PEX1: variants seen among roughly 807,000 people sequenced by gnomAD.
PEX1 encodes peroxisomal ATPase PEX1.
A neutral mutation model predicts 152.5 loss-of-function variants in PEX1; 97 were observed. The observed-to-expected ratio is 0.64, with a 90% CI of 0.54 to 0.75. The LOEUF is 0.75. Among genes scored for constraint, PEX1 ranks in the 30% least tolerant of loss-of-function variants. PEX1 has a pLI of 0.00. For synonymous variants in PEX1, 485 were observed against 531.6 expected, an observed-to-expected ratio of 0.91 and a Z score of 1.21; for missense variants, 1,357 against 1,516.3, an observed-to-expected ratio of 0.89 and a Z score of 1.74.
In PEX1 at chr7:92,489,340, G is replaced by A. The variant is rs34825053; in HGVS notation, c.3720C>T (p.His1240=). 1,494 of 1,613,068 alleles carry A rather than the reference G, an allele frequency of 9.3e-4. 12 individuals are homozygous for A. The African/African-American group carries it at 0.017, about 19-fold the overall frequency. The change falls in exon 23 of 24, where the codon CAC becomes CAT. Residue 1240 remains histidine (H), a synonymous_variant. Transcript: ENST00000248633. ...SQSHLMTALG[H]TRPSISEDDW... is the part of the protein sequence containing the mutation. ...CATCTTCACTAATGGATGGTCTTGT[G>A]TGACCAAGTGCAGTCATTAAATGTG... is the stretch of plus-strand genomic sequence containing the variant.
At chr7:92,514,700 G>A (rs1204310402) in intron 5 of PEX1, among the ~76,000 whole-genome samples, 1 of 152,146 alleles carries the variant, frequency 6.6e-6, no homozygotes, top group Non-Finnish European at 1.5e-5. Flanking sequence ...AACTTAGATT[G>A]TGGTGATGGC....
At chr7:92,516,143 C>T (rs747750825) in intron 5 of PEX1, among the ~76,000 whole-genome samples, 5 of 148,458 alleles carry the variant, frequency 3.4e-5, no homozygotes, top group Non-Finnish European at 7.5e-5. Context: ...TGATGTAGGC[C>T]GGCCAGGAGC....
Position 92,493,056 on chromosome 7 carries a change from A to G in PEX1, c.3104T>C (p.Val1035Ala), listed in dbSNP as rs1429066421. The G allele has an allele frequency of 1.2e-6, 2 of 1,612,108 alleles. No individual in the cohort carries two copies. The highest frequency in any genetic ancestry group is 1.1e-5 in the South Asian group (1 of 91,060). ...AGTAAAGGAGTCAGTTACTGATGCT[A>G]CATGCTGAAGGTCAACATCATCTGC... ...PLADDVDLQH[V>A]ASVTDSFTGA... The change falls in exon 20 of 24, where the codon GTA becomes GCA. Residue 1035 changes from valine (V) to alanine (A), a missense_variant. Coordinates refer to ENST00000248633, the MANE Select transcript of PEX1 (RefSeq NM_000466.3).
chr7:92,489,931 A>C lies in PEX1; in HGVS notation c.3439-20T>G. On this transcript the variant is annotated intron_variant, in intron 21 of 23. Coordinates refer to ENST00000248633, the MANE Select transcript of PEX1 (RefSeq NM_000466.3). ...TGAGCTCTGCATGGTAAATTGTAGT[A>C]ATGAAAGATGGAAGGAAGAGGGGGA... 6.3e-7 allele frequency: 1 copy of C among 1,596,602 alleles called. No individual in the cohort carries two copies. The highest frequency in any genetic ancestry group is 1.3e-5 in the African/African-American group (1 of 74,686).
chr7:92,499,846 A>G lies in PEX1; in HGVS notation c.2584-8T>C. ...TGCAAATAATTCTGGATACTGAGAA[A>G]CAAAAAAAAAAAATATGAAAAAGAG... On this transcript the variant is annotated splice_polypyrimidine_tract_variant and splice_region_variant and intron_variant, in intron 15 of 23. Coordinates refer to ENST00000248633, the MANE Select transcript of PEX1 (RefSeq NM_000466.3). The G allele has an allele frequency of 1.3e-6, 2 of 1,507,720 alleles. No individual in the cohort carries two copies. The highest frequency in any genetic ancestry group is 1.8e-6 in the Non-Finnish European group (2 of 1,123,048). 93.4% of individuals were successfully genotyped at this position (1,507,720 alleles called of 1,614,324 possible).
intron 21 of PEX1, 174 bp downstream of exon 21, chr7:92,491,098 T>C: frequency 3.4e-6 from 2 of 583,022 alleles, no homozygotes; most frequent in Non-Finnish European, 6.1e-6. Context: ...CTTGAAAATC[T>C]TAACAAGGAA....
At chr7:92,498,616 T>C (rs921162324) in intron 16 of PEX1, among the ~76,000 whole-genome samples, 1 of 152,232 alleles carries the variant, frequency 6.6e-6, no homozygotes, top group Non-Finnish European at 1.5e-5. Flanking sequence ...TAAACTAATA[T>C]TGCTGATGTC....
intron 1 of PEX1, 125 bp downstream of exon 1, chr7:92,528,182 G>T: frequency 1.6e-6 from 2 of 1,277,076 alleles, no homozygotes; most frequent in South Asian, 1.3e-5. Flanking sequence ...GCCGTCGAGG[G>T]ACCCTGATCT....
rs1205977730 is a variant in PEX1, at chr7:92,528,455, G to C, written c.-20C>G. 1.9e-6 allele frequency: 3 copies of C among 1,570,204 alleles called. No homozygotes were observed. The highest frequency in any genetic ancestry group is 2.6e-6 in the Non-Finnish European group (3 of 1,160,354). ...CCACATCGTCCCGGAGCGTCGCTCT[G>C]GGTTCGCCCACCCTAGCGCCGCAAA... On this transcript the variant is annotated 5_prime_UTR_variant, in exon 1 of 24. Transcript: ENST00000248633.
At chr7:92,515,456 A>G (rs1024503649) in intron 5 of PEX1, among the ~76,000 whole-genome samples, 4 of 152,126 alleles carry the variant, frequency 2.6e-5, no homozygotes, top group African/African-American at 7.2e-5. Context: ...ACCTACTGTG[A>G]CTTCTCATTG....
At position 92,489,352 on chromosome 7, in the gene PEX1, A is replaced by C. The variant is rs1174654208; in HGVS notation, c.3708T>G (p.Thr1236=). 1 of 1,613,028 alleles carries C rather than the reference A, an allele frequency of 6.2e-7. No homozygotes were observed. The highest frequency in any genetic ancestry group is 2.2e-5 in the East Asian group (1 of 44,840). Reference sequence around the variant, plus strand: ...TGGATGGTCTTGTGTGACCAAGTGCAGTCATTAAATGTGACTGACTAATAG... The same window carrying C: ...TGGATGGTCTTGTGTGACCAAGTGCCGTCATTAAATGTGACTGACTAATAG... The part of the protein sequence containing the change: ...RLAISQSHLM[T]ALGHTRPSIS... The change falls in exon 23 of 24, where the codon ACT becomes ACG. Residue 1236 remains threonine (T), a synonymous_variant. Transcript: ENST00000248633.
intron 11 of PEX1, 83 bp downstream of exon 11, chr7:92,506,165 T>G (rs894088714): frequency 9.9e-6 from 8 of 806,840 alleles, no homozygotes; most frequent in Non-Finnish European, 1.6e-5. Context: ...ATATGTGTAT[T>G]TATTAGATTG....
rs1793412235 is a variant in PEX1 at position 92,528,477 on chromosome 7, C to G, written c.-42G>C. ...TCTGGGTTCGCCCACCCTAGCGCCG[C>G]AAAGGACCCGGGACCCGGCAGGCCG... On this transcript the variant is annotated 5_prime_UTR_variant, in exon 1 of 24. Transcript: ENST00000248633. 1 of 1,536,826 alleles carries G rather than the reference C, an allele frequency of 6.5e-7. No homozygotes were observed. Among genetic ancestry groups the G allele is most frequent in the African/African-American group, 1.4e-5 (1 of 72,962 alleles).
At position 92,510,929 on chromosome 7, in the gene PEX1, A is replaced by G. The variant is rs1372141434; in HGVS notation, c.1587+15T>C. The G allele has an allele frequency of 1.6e-6, 2 of 1,226,980 alleles. No homozygotes were observed. Among genetic ancestry groups the G allele is most frequent in the East Asian group, 2.3e-5 (1 of 43,036 alleles). The allele number at this position is 1,226,980 out of a possible 1,614,324, so 76.0% of individuals were successfully genotyped here. A position where few individuals can be genotyped will look rare whatever the true frequency, so the allele number is the denominator to read the frequency against. ...CAAATAGTATTTTATTAAATATTCAATAACATGCTATTACTTGTATTGTAG... is the reference window on the plus strand; with the variant it reads ...CAAATAGTATTTTATTAAATATTCAGTAACATGCTATTACTTGTATTGTAG... On this transcript the variant is annotated intron_variant, in intron 8 of 23. Transcript: ENST00000248633.
intron 5 of PEX1, among the ~76,000 whole-genome samples, chr7:92,514,572 G>T (rs575429672): frequency 1.3e-5 from 2 of 152,250 alleles, no homozygotes; most frequent in African/African-American, 4.8e-5. Context: ...AAGCTGGAAT[G>T]GCCAAAACTA....
At position 92,506,351 on chromosome 7, in the gene PEX1, A is replaced by C. The variant is rs1171558935; in HGVS notation, c.1804-7T>G. ...AAGTTGATTTTCCACTTCCCTAGAAAATAATTGCTTTATAGGAATTCCCAA... is the reference window on the plus strand; with the variant it reads ...AAGTTGATTTTCCACTTCCCTAGAACATAATTGCTTTATAGGAATTCCCAA... On this transcript the variant is annotated splice_polypyrimidine_tract_variant and splice_region_variant and intron_variant, in intron 10 of 23. Coordinates refer to ENST00000248633, the MANE Select transcript of PEX1 (RefSeq NM_000466.3). 2 of 1,554,204 alleles carry C rather than the reference A, an allele frequency of 1.3e-6. No homozygotes were observed. Among genetic ancestry groups the C allele is most frequent in the South Asian group, 2.2e-5 (2 of 89,816 alleles).
At chr7:92,519,166 T>A in intron 2 of PEX1, 88 bp from the exon 3 acceptor site, 17 of 746,092 alleles carry the variant, frequency 2.3e-5, no homozygotes. Context: ...CTTACCATTT[T>A]AGGTTAAGTA....
chr7:92,516,527 A>G (rs539410224), intron 5 of PEX1, among the ~76,000 whole-genome samples: 2 of 152,320 alleles, frequency 1.3e-5, no homozygotes, highest in South Asian at 4.1e-4. Context: ...TGGAGAAAAA[A>G]AAAAAATCTA....
intron 16 of PEX1, among the ~76,000 whole-genome samples, chr7:92,499,017 G>A (rs1453207212): frequency 1.3e-5 from 2 of 152,124 alleles, no homozygotes; most frequent in East Asian, 1.9e-4. Flanking sequence ...TTTAATAGAT[G>A]GATCGCTGCT....
Sources: gnomAD v4.1 joint callset for allele counts (sites outside exome capture counted in the v4.1 genomes callset) on GRCh38, gnomAD v4.1.1 for gene constraint, MANE v1.5 for transcripts, NCBI Gene and HGNC (gene_info 2026-07-23, HGNC 2026-07-21) for gene names.